UNC5C: variants seen among roughly 807,000 people sequenced by gnomAD.
UNC5C encodes unc-5 netrin receptor C, also known as netrin receptor UNC5C.
Under a neutral mutation model 99.8 loss-of-function variants are expected in UNC5C, and 47 were observed. That is an observed-to-expected ratio of 0.47 (90% CI 0.37 to 0.60). The LOEUF is 0.60. Ranked by LOEUF, UNC5C falls within the 20% of genes least tolerant of loss-of-function variation. UNC5C has a pLI of 0.00. For synonymous variants in UNC5C, 487 were observed against 452.2 expected (o/e 1.08, Z -0.98); for missense variants, 1,062 against 1,165.9 (o/e 0.91, Z 1.30).
chr4:95,354,743 A>G (rs1451908174), intron 1 of UNC5C, among the ~76,000 whole-genome samples: 3 of 151,974 alleles, frequency 2.0e-5, no homozygotes, highest in Non-Finnish European at 4.4e-5. Flanking sequence ...TTGGCTTCCC[A>G]AAGTGCTGTC....
At chr4:95,276,701 T>G (rs1740874010) in intron 4 of UNC5C, among the ~76,000 whole-genome samples, 1 of 151,996 alleles carries the variant, frequency 6.6e-6, no homozygotes, top group Non-Finnish European at 1.5e-5. Context: ...TAGAGAAGAG[T>G]TTTCTCCTTC....
At chr4:95,492,672 C>A (rs563491492) in intron 1 of UNC5C, among the ~76,000 whole-genome samples, 3 of 151,442 alleles carry the variant, frequency 2.0e-5, no homozygotes, top group South Asian at 2.1e-4. Context: ...TTGACTTCAC[C>A]TTTAATGGAG....
chr4:95,252,209 A>G lies in UNC5C; in HGVS notation c.595-1542T>C, dbSNP rs80335239. On this transcript the variant is annotated intron_variant, in intron 4 of 15. Coordinates refer to ENST00000453304, the MANE Select transcript of UNC5C (RefSeq NM_003728.4). ...GAAGTGCACGGGAGAAGGTGGCACA[A>G]TTTATACTGTTAAAAATCTCTTTGA... Among the ~76,000 whole-genome samples, 930 of 152,302 alleles carry G rather than the reference A, an allele frequency of 6.1e-3. 12 individuals carry two copies. The highest frequency in any genetic ancestry group is 0.021 in the African/African-American group (883 of 41,558).
At chr4:95,394,329 G>T (rs190410684) in intron 1 of UNC5C, among the ~76,000 whole-genome samples, 1 of 151,930 alleles carries the variant, frequency 6.6e-6, no homozygotes, top group South Asian at 2.1e-4. Flanking sequence ...CGAATGGGGG[G>T]TGCTAACTGT....
intron 3 of UNC5C, among the ~76,000 whole-genome samples, chr4:95,299,441 T>C (rs1741790817): frequency 6.6e-6 from 1 of 152,158 alleles, no homozygotes; most frequent in Non-Finnish European, 1.5e-5. Context: ...AGAAAACTAA[T>C]TCAATGATAT....
At chr4:95,281,083 T>C (rs1363388736) in intron 3 of UNC5C, among the ~76,000 whole-genome samples, 1 of 152,202 alleles carries the variant, frequency 6.6e-6, no homozygotes, top group Non-Finnish European at 1.5e-5. Context: ...TATATCTTGT[T>C]TGTAAAAAAT....
At chr4:95,360,482 A>C (rs934802234) in intron 1 of UNC5C, among the ~76,000 whole-genome samples, 1 of 152,176 alleles carries the variant, frequency 6.6e-6, no homozygotes, top group Non-Finnish European at 1.5e-5. Context: ...ATAAATAAAC[A>C]AACAGAAAAT....
intron 3 of UNC5C, among the ~76,000 whole-genome samples, chr4:95,284,650 C>T (rs1741171463): frequency 6.6e-6 from 1 of 151,980 alleles, no homozygotes; most frequent in Admixed American, 6.6e-5. Flanking sequence ...TTGTATAAAT[C>T]CTGGAGAGTA....
At chr4:95,407,025 G>A (rs1202843763) in intron 1 of UNC5C, among the ~76,000 whole-genome samples, 1 of 152,098 alleles carries the variant, frequency 6.6e-6, no homozygotes, top group Non-Finnish European at 1.5e-5. Flanking sequence ...ATACAAAAAT[G>A]ATTGTACTTT....
intron 2 of UNC5C, among the ~76,000 whole-genome samples, chr4:95,314,813 T>C (rs1742412854): frequency 6.6e-6 from 1 of 152,206 alleles, no homozygotes; most frequent in South Asian, 2.1e-4. Context: ...AAGAAAATGA[T>C]AATGGTACTT....
chr4:95,255,017 G>A (rs553356224), intron 4 of UNC5C, among the ~76,000 whole-genome samples: 7 of 150,918 alleles, frequency 4.6e-5, no homozygotes, highest in South Asian at 2.1e-4. Flanking sequence ...TTAAGACAAA[G>A]TCTCACCGTG....
At chr4:95,340,726 C>T (rs371193695) in intron 1 of UNC5C, among the ~76,000 whole-genome samples, 1 of 151,962 alleles carries the variant, frequency 6.6e-6, no homozygotes, top group Non-Finnish European at 1.5e-5. Flanking sequence ...TAATATACAG[C>T]TAATATGCTA....
intron 14 of UNC5C, among the ~76,000 whole-genome samples, chr4:95,171,129 GA>G (rs1736082490): frequency 6.6e-6 from 1 of 152,034 alleles, no homozygotes; most frequent in Non-Finnish European, 1.5e-5. Context: ...GTGCTGGTTG[GA>G]AAAGCAAAAG....
intron 1 of UNC5C, among the ~76,000 whole-genome samples, chr4:95,435,125 C>G (rs769475176): frequency 5.3e-5 from 8 of 152,038 alleles, no homozygotes; most frequent in Non-Finnish European, 1.2e-4. Context: ...TACAAGGAAG[C>G]AGACAAACAA....
In UNC5C at chr4:95,398,614, A is replaced by G. The variant is rs974507888; in HGVS notation, c.125-62983T>C. 2.0e-5 allele frequency among the ~76,000 whole-genome samples: 3 copies of G among 152,304 alleles called. No homozygotes were observed. The East Asian group carries it at 5.8e-4, about 29-fold the overall frequency. ...CCTCATTTTAATTACTAGGTTAGAC[A>G]AAGCAATGAAGATGTATCTCCTGTT... On this transcript the variant is annotated intron_variant, in intron 1 of 15. Coordinates refer to ENST00000453304, the MANE Select transcript of UNC5C (RefSeq NM_003728.4).
chr4:95,396,749 A>C (rs1385896691), intron 1 of UNC5C, among the ~76,000 whole-genome samples: 2 of 152,162 alleles, frequency 1.3e-5, no homozygotes, highest in African/African-American at 4.8e-5. Context: ...AACTCCCATT[A>C]CTGAATTACT....
chr4:95,447,500 T>G (rs1747139080), intron 1 of UNC5C, among the ~76,000 whole-genome samples: 1 of 151,840 alleles, frequency 6.6e-6, no homozygotes, highest in South Asian at 2.1e-4. Context: ...TTATTATTTA[T>G]TTATTTTTTT....
At position 95,301,763 on chromosome 4, in the gene UNC5C, AAG is replaced by A; in HGVS notation, c.347-16_347-15del. The A allele has an allele frequency of 6.2e-7, 1 of 1,611,288 alleles. No homozygotes were observed. Among genetic ancestry groups the A allele is most frequent in the Non-Finnish European group, 8.5e-7 (1 of 1,179,456 alleles). On this transcript the variant is annotated splice_polypyrimidine_tract_variant and intron_variant, in intron 2 of 15. Transcript: ENST00000453304. ...GGACAATGAGACCTGACAAGAGAAA[AAG>A]AAAGATTTAAGTCAACACAAGATTC...
intron 1 of UNC5C, among the ~76,000 whole-genome samples, chr4:95,351,415 C>G (rs77248103): frequency 2.6e-5 from 4 of 151,428 alleles, no homozygotes; most frequent in Non-Finnish European, 4.4e-5. Context: ...CTCTATTAAT[C>G]AAAATCATGA....
Sources: gnomAD v4.1 joint callset for allele counts (sites outside exome capture counted in the v4.1 genomes callset) on GRCh38, gnomAD v4.1.1 for gene constraint, MANE v1.5 for transcripts, NCBI Gene and HGNC (gene_info 2026-07-23, HGNC 2026-07-21) for gene names.